TMEM53: variants seen among roughly 807,000 people sequenced by gnomAD.
The protein encoded by TMEM53 is transmembrane protein 53.
Under a neutral mutation model 21.4 loss-of-function variants are expected in TMEM53, and 14 were observed. The observed-to-expected ratio is 0.65, with a 90% CI of 0.43 to 1.02. The LOEUF (loss-of-function observed/expected upper bound fraction) is 1.02. Among genes scored for constraint, TMEM53 ranks in the 50% least tolerant of loss-of-function variants. The probability of loss-of-function intolerance (pLI) is 0.00; values close to 1 mark genes in which losing one functional copy is unlikely to be tolerated. For synonymous variants in TMEM53, 148 were observed against 157.4 expected, an observed-to-expected ratio of 0.94 and a Z score of 0.45; for missense variants, 323 against 383.6, an observed-to-expected ratio of 0.84 and a Z score of 1.32.
chr1:44,655,714 G>A lies in TMEM53; in HGVS notation c.184-505C>T, dbSNP rs114705771. The stretch of plus-strand genomic sequence containing the variant: ...AGTACCCGAGAGCTGGCCTGCAGGC[G>A]CCAGCCCTGACCACCAGAGGCCACT... On this transcript the variant is annotated intron_variant, in intron 2 of 2. Transcript: ENST00000372237. This position sits in a 1 kb window ranked among gnomAD's most constrained non-coding sequence, Gnocchi z 4.4. Among the ~76,000 whole-genome samples the A allele has an allele frequency of 0.012, 1,763 of 152,046 alleles. 17 individuals carry two copies. Among genetic ancestry groups the A allele is most frequent in the Admixed American group, 0.017 (265 of 15,278 alleles).
At chr1:44,674,279 A>G (rs1279856642) in intron 1 of TMEM53, 52 bp downstream of exon 1, 2 of 1,566,968 alleles carry the variant, frequency 1.3e-6, no homozygotes, top group African/African-American at 1.4e-5. Context: ...CTCGCAACCC[A>G]CAGGTTCATG....
chr1:44,660,016 G>T (rs751657016), intron 2 of TMEM53, among the ~76,000 whole-genome samples, 158 bp downstream of exon 2: 2 of 152,032 alleles, frequency 1.3e-5, no homozygotes, highest in African/African-American at 2.4e-5. Context: ...GTGCCACCAG[G>T]CCGGCTAATT....
intron 1 of TMEM53, chr1:44,674,066 C>T (rs1459270912): frequency 2.9e-5 from 29 of 985,344 alleles, no homozygotes; most frequent in Non-Finnish European, 3.3e-5. Flanking sequence ...CCTGAGCACC[C>T]CGGACAGGAA....
chr1:44,673,196 G>T (rs952861637), intron 1 of TMEM53, among the ~76,000 whole-genome samples: 3 of 152,212 alleles, frequency 2.0e-5, no homozygotes, highest in African/African-American at 7.2e-5. Context: ...AAAACAGCTG[G>T]TCTGGGGCCA....
At chr1:44,662,892 G>A (rs1300083898) in intron 1 of TMEM53, among the ~76,000 whole-genome samples, 1 of 152,164 alleles carries the variant, frequency 6.6e-6, no homozygotes, top group Non-Finnish European at 1.5e-5. Flanking sequence ...CCCTCCTCCT[G>A]AGGCTGGGAT....
At chr1:44,667,091 C>T (rs1399996001) in intron 1 of TMEM53, among the ~76,000 whole-genome samples, 1 of 152,086 alleles carries the variant, frequency 6.6e-6, no homozygotes, top group Non-Finnish European at 1.5e-5. Flanking sequence ...AATCCTCCCA[C>T]CTTAGCCTCC....
chr1:44,673,951 A>T, intron 1 of TMEM53: 2 of 985,468 alleles, frequency 2.0e-6, no homozygotes, highest in South Asian at 4.7e-5. Context: ...CGGGAAAATA[A>T]TAAGTGATAG....
At chr1:44,673,264 G>A (rs923244798) in intron 1 of TMEM53, among the ~76,000 whole-genome samples, 3 of 152,246 alleles carry the variant, frequency 2.0e-5, no homozygotes, top group African/African-American at 7.2e-5. Flanking sequence ...AAGAACATGA[G>A]ATGCTACGGG....
intron 2 of TMEM53, 104 bp downstream of exon 2, chr1:44,660,070 C>T: frequency 6.4e-6 from 9 of 1,400,736 alleles, no homozygotes; most frequent in Non-Finnish European, 8.7e-6. Flanking sequence ...GTTGGCCAGG[C>T]TGGTCTCGAA....
At position 44,674,440 on chromosome 1, in the gene TMEM53, T is replaced by A; in HGVS notation, c.-49A>T. ...CGGGTCTCCAGCCGGAACTCCCGCTTGCGCACCCGTGCCTCACCCGGGCGC... is the reference window on the plus strand; with the variant it reads ...CGGGTCTCCAGCCGGAACTCCCGCTAGCGCACCCGTGCCTCACCCGGGCGC... On this transcript the variant is annotated 5_prime_UTR_variant, in exon 1 of 3. Coordinates refer to ENST00000372237, the MANE Select transcript of TMEM53 (RefSeq NM_024587.4). The A allele has an allele frequency of 1.3e-6, 2 of 1,576,252 alleles. No individual in the cohort carries two copies. Among genetic ancestry groups the A allele is most frequent in the Non-Finnish European group, 1.7e-6 (2 of 1,160,606 alleles).
At chr1:44,656,941 G>A (rs1220260006) in intron 2 of TMEM53, among the ~76,000 whole-genome samples, 2 of 152,072 alleles carry the variant, frequency 1.3e-5, no homozygotes, top group African/African-American at 2.4e-5. Flanking sequence ...GAACCCAGGA[G>A]GCAGAGGTTG....
At position 44,654,586 on chromosome 1, in the gene TMEM53, G is replaced by A; in HGVS notation, c.807C>T (p.Asp269=). 6.2e-7 allele frequency: 1 copy of A among 1,608,254 alleles called. No homozygotes were observed. The highest frequency in any genetic ancestry group is 8.5e-7 in the Non-Finnish European group (1 of 1,175,054). Residue 269 remains aspartate, a synonymous_variant, in exon 3 of 3, where the codon GAC becomes GAT. Coordinates refer to ENST00000372237, the MANE Select transcript of TMEM53 (RefSeq NM_024587.4). This position sits in a 1 kb window ranked among gnomAD's most constrained non-coding sequence, Gnocchi z 7.0. ...YPTYYTSLCV[D]FMRNCVRC The stretch of plus-strand genomic sequence containing the variant: ...AGCAGCGGACGCAGTTGCGCATGAA[G>A]TCGACACAGAGGCTTGTGTAGTAAG...
intron 1 of TMEM53, among the ~76,000 whole-genome samples, chr1:44,670,921 C>A (rs940372207): frequency 2.6e-5 from 4 of 152,226 alleles, no homozygotes; most frequent in Non-Finnish European, 5.9e-5. Context: ...TGGGACTTGG[C>A]TGACCATTCT....
intron 1 of TMEM53, among the ~76,000 whole-genome samples, chr1:44,667,960 A>C (rs1217396611): frequency 6.6e-6 from 1 of 152,240 alleles, no homozygotes; most frequent in East Asian, 1.9e-4. Context: ...ATAGTGCCAG[A>C]ATTACAAATA....
intron 2 of TMEM53, 115 bp downstream of exon 2, chr1:44,660,059 T>C: frequency 7.6e-7 from 1 of 1,322,528 alleles, no homozygotes; most frequent in Non-Finnish European, 1.0e-6. Flanking sequence ...GGTTTGACCA[T>C]GTTGGCCAGG....
intron 1 of TMEM53, among the ~76,000 whole-genome samples, chr1:44,667,969 T>C (rs1644963664): frequency 6.6e-6 from 1 of 152,120 alleles, no homozygotes; most frequent in Admixed American, 6.5e-5. Flanking sequence ...GAATTACAAA[T>C]ACGTATATTG....
At chr1:44,667,071 G>A (rs954035299) in intron 1 of TMEM53, among the ~76,000 whole-genome samples, 5 of 151,728 alleles carry the variant, frequency 3.3e-5, no homozygotes, top group Admixed American at 2.6e-4. Flanking sequence ...TTGAACTCCT[G>A]GGCTCAAGCA....
At chr1:44,672,496 C>T (rs1178265414) in intron 1 of TMEM53, among the ~76,000 whole-genome samples, 1 of 152,144 alleles carries the variant, frequency 6.6e-6, no homozygotes, top group Non-Finnish European at 1.5e-5. Context: ...GAACTGAGAG[C>T]GGAAATTACA....
In TMEM53 at chr1:44,655,082, T is replaced by G; in HGVS notation, c.311A>C (p.Lys104Thr). ...LELLFDYEIE[K>T]EPLLFHVFSN... is the part of the protein sequence containing the mutation. ...GAAGACATGGAAGAGCAGGGGCTCC[T>G]TCTCAATCTCATAATCAAAGAGCAG... Residue 104 changes from lysine to threonine, a missense_variant, in exon 3 of 3, where the codon AAG becomes ACG. By Grantham distance (78) the Lys-to-Thr change is moderately conservative. Transcript: ENST00000372237. The surrounding 1 kb of genome is among the most constrained non-coding windows in gnomAD (Gnocchi z 4.4). The G allele has an allele frequency of 6.2e-7, 1 of 1,614,174 alleles. No individual in the cohort carries two copies. Among genetic ancestry groups the G allele is most frequent in the East Asian group, 2.2e-5 (1 of 44,882 alleles).
Sources: gnomAD v4.1 joint callset for allele counts (sites outside exome capture counted in the v4.1 genomes callset) on GRCh38, gnomAD v4.1.1 for gene constraint, Gnocchi (gnomAD v3.1) non-coding constraint, MANE v1.5 for transcripts, NCBI Gene and HGNC (gene_info 2026-07-23, HGNC 2026-07-21) for gene names.